Variants in CHDH observed in about 807,000 individuals in gnomAD.
The protein encoded by CHDH is choline dehydrogenase.
In CHDH, 43 loss-of-function variants were observed where a neutral mutation model predicts 56.9. The ratio of observed to expected loss-of-function variants is 0.76; its 90% confidence interval spans 0.59 to 0.97. The LOEUF (loss-of-function observed/expected upper bound fraction) is 0.97. Ranked by LOEUF, CHDH falls within the 50% of genes least tolerant of loss-of-function variation. CHDH has a pLI of 0.00. For synonymous variants in CHDH, 364 were observed against 348.5 expected (o/e 1.04, Z -0.50); for missense variants, 816 against 821.1 (o/e 0.99, Z 0.08).
rs1208181373 is a variant in CHDH at position 53,821,694 on chromosome 3, G to A, written c.938C>T (p.Ala313Val). 5.6e-6 allele frequency: 9 copies of A among 1,614,010 alleles called. No individual in the cohort carries two copies. Among genetic ancestry groups the A allele is most frequent in the Non-Finnish European group, 7.6e-6 (9 of 1,179,894 alleles). ...GATGCCCAGTTTCTTGAGGTCATCA[G>A]CATTCCCGATGCCAGAGAGCATGAG... ...QLLMLSGIGN[A>V]DDLKKLGIPV... Residue 313 changes from alanine to valine, a missense_variant, in exon 5 of 9, where the codon GCT becomes GTT. Transcript: ENST00000315251.
intron 2 of CHDH, among the ~76,000 whole-genome samples, chr3:53,835,275 G>T (rs2106978271): frequency 6.6e-6 from 1 of 152,352 alleles, no homozygotes; most frequent in African/African-American, 2.4e-5. Context: ...CATTTAAAAA[G>T]TGGCCACCAT....
intron 2 of CHDH, among the ~76,000 whole-genome samples, chr3:53,840,661 T>C (rs1698645290): frequency 6.6e-6 from 1 of 152,188 alleles, no homozygotes; most frequent in African/African-American, 2.4e-5. Flanking sequence ...CCATCATCTC[T>C]TCTGGCTAAT....
chr3:53,820,715 AC>A, intron 5 of CHDH, 107 bp from the exon 6 acceptor site: 1 of 1,374,576 alleles, frequency 7.3e-7, no homozygotes, highest in Non-Finnish European at 9.9e-7. Context: ...TATCTTCTGG[AC>A]CAGCTCCTGC....
intron 2 of CHDH, among the ~76,000 whole-genome samples, chr3:53,826,805 ACTT>A (rs1467041375): frequency 3.3e-5 from 5 of 152,268 alleles, no homozygotes; most frequent in Non-Finnish European, 5.9e-5. Flanking sequence ...AAGAAATGAA[ACTT>A]CGTTTGCTAA....
chr3:53,823,723 C>T lies in CHDH; in HGVS notation c.286G>A (p.Ala96Thr). 1 of 1,552,250 alleles carries T rather than the reference C, an allele frequency of 6.4e-7. No homozygotes were observed. Among genetic ancestry groups the T allele is most frequent in the East Asian group, 2.4e-5 (1 of 41,132 alleles). Reference sequence around the variant, plus strand: ...TTGTACCTGTCGTCGCACAGGTTGGCCACCAGGGCCGCGGGCATGTGGATC... The same window carrying T: ...TTGTACCTGTCGTCGCACAGGTTGGTCACCAGGGCCGCGGGCATGTGGATC... ...WKIHMPAALV[A>T]NLCDDRYNWC... Residue 96 changes from alanine to threonine, a missense_variant, in exon 3 of 9, where the codon GCC becomes ACC. Coordinates refer to ENST00000315251, the MANE Select transcript of CHDH (RefSeq NM_018397.5).
At chr3:53,834,584 A>C (rs1483026095) in intron 2 of CHDH, among the ~76,000 whole-genome samples, 6 of 152,250 alleles carry the variant, frequency 3.9e-5, no homozygotes, top group African/African-American at 9.6e-5. Context: ...GACATTTTAT[A>C]ACTTTGGTAG....
intron 5 of CHDH, among the ~76,000 whole-genome samples, chr3:53,821,286 C>G (rs1329853741): frequency 6.6e-6 from 1 of 152,174 alleles, no homozygotes; most frequent in Non-Finnish European, 1.5e-5. Flanking sequence ...TCAGGGCAGC[C>G]AGCGAGTCCT....
intron 2 of CHDH, among the ~76,000 whole-genome samples, chr3:53,836,482 C>T (rs1006428489): frequency 2.0e-5 from 3 of 152,234 alleles, no homozygotes; most frequent in African/African-American, 4.8e-5. Flanking sequence ...TTCACCTACT[C>T]ACTCCTCACC....
At position 53,818,064 on chromosome 3, in the gene CHDH, C is replaced by CAG; in HGVS notation, c.1497_1498insCT (p.Ala500LeufsTer58). 6.2e-7 allele frequency: 1 copy of CAG among 1,614,172 alleles called. No homozygotes were observed. The highest frequency in any genetic ancestry group is 8.5e-7 in the Non-Finnish European group (1 of 1,180,006). On this transcript the variant is annotated frameshift_variant, in exon 9 of 9. Transcript: ENST00000315251. LOFTEE classifies it high-confidence loss of function. ...CTGTCGGCTTTTGCCCGCACAAAGG[C>CAG]ATCTATCTCTTTATCTGACTGAATG... is the stretch of plus-strand genomic sequence containing the variant.
rs528494815 is a variant in CHDH, at chr3:53,823,299, C to G, written c.703+7G>C. The G allele has an allele frequency of 3.9e-6, 6 of 1,532,574 alleles. No individual in the cohort carries two copies. The South Asian group carries it at 6.3e-5, about 16-fold the overall frequency. 94.9% of individuals were successfully genotyped at this position (1,532,574 alleles called of 1,614,324 possible). ...TGCTTTTTTAAAAAGAGAAGGGAGA[C>G]CACTACCTTCATGGATGGTCATGTC... On this transcript the variant is annotated splice_region_variant and intron_variant, in intron 3 of 8. Coordinates refer to ENST00000315251, the MANE Select transcript of CHDH (RefSeq NM_018397.5).
At chr3:53,831,607 G>A (rs1698335875) in intron 2 of CHDH, among the ~76,000 whole-genome samples, 2 of 152,218 alleles carry the variant, frequency 1.3e-5, no homozygotes, top group African/African-American at 4.8e-5. Flanking sequence ...AGAATGAAAT[G>A]ACAATCCATA....
chr3:53,839,610 G>A (rs1345142864), intron 2 of CHDH, among the ~76,000 whole-genome samples: 1 of 152,176 alleles, frequency 6.6e-6, no homozygotes, highest in Non-Finnish European at 1.5e-5. Context: ...CATTGTTTGT[G>A]GGAATGCAAA....
At chr3:53,821,288 GCGAGTCCTGTGGATGGAAGGA>G (rs2095625887) in intron 5 of CHDH, among the ~76,000 whole-genome samples, 1 of 152,164 alleles carries the variant, frequency 6.6e-6, no homozygotes, top group Non-Finnish European at 1.5e-5. Context: ...AGGGCAGCCA[GCGAGTCCTGTGGATGGAAGGA>G]CGAGGCCTGG....
At chr3:53,825,346 A>G (rs1256922844) in intron 2 of CHDH, among the ~76,000 whole-genome samples, 2 of 152,272 alleles carry the variant, frequency 1.3e-5, no homozygotes, top group African/African-American at 2.4e-5. Context: ...CCCATCAAAC[A>G]GGGACTTTAA....
chr3:53,823,268 G>C (rs773346014), intron 3 of CHDH, 38 bp downstream of exon 3: 2 of 1,454,644 alleles, frequency 1.4e-6, no homozygotes, highest in East Asian at 2.5e-5. Flanking sequence ...CTGGGGTAGG[G>C]GGTAGTGCTT....
chr3:53,837,480 C>T (rs1475617285), intron 2 of CHDH, among the ~76,000 whole-genome samples: 3 of 152,344 alleles, frequency 2.0e-5, no homozygotes, highest in South Asian at 4.1e-4. Flanking sequence ...AGTCTGACAT[C>T]GCATCAGAGC....
At chr3:53,829,238 G>A (rs917466569) in intron 2 of CHDH, among the ~76,000 whole-genome samples, 3 of 152,200 alleles carry the variant, frequency 2.0e-5, no homozygotes, top group Non-Finnish European at 4.4e-5. Context: ...GTTACCAGGA[G>A]TTGGGAGAGG....
chr3:53,832,123 A>C (rs1363656577), intron 2 of CHDH, among the ~76,000 whole-genome samples: 5 of 152,214 alleles, frequency 3.3e-5, no homozygotes, highest in Non-Finnish European at 7.3e-5. Context: ...TTCCACTCCT[A>C]GGTATATACT....
chr3:53,820,692 T>C (rs960086193), intron 5 of CHDH, 84 bp from the exon 6 acceptor site: 67 of 1,517,166 alleles, frequency 4.4e-5, no homozygotes, highest in Non-Finnish European at 5.7e-5. Flanking sequence ...TGAAAAATTC[T>C]TTCCTATTCC....
Sources: allele counts gnomAD v4.1 joint callset (sites outside exome capture counted in the v4.1 genomes callset), GRCh38; gene constraint gnomAD v4.1.1; transcripts MANE v1.5; gene names NCBI Gene and HGNC (gene_info 2026-07-23, HGNC 2026-07-21).